ATRN: variants seen among roughly 807,000 people sequenced by gnomAD.
The protein encoded by ATRN is attractin-2.
ATRN carries 54 observed loss-of-function variants against 178.7 expected under a neutral mutation model. The observed-to-expected ratio is 0.30, with a 90% CI of 0.24 to 0.38. The LOEUF (loss-of-function observed/expected upper bound fraction) is 0.38. ATRN is among the 10% of genes least tolerant of loss of function. ATRN has a pLI of 1.00. For missense variants in ATRN, 1,443 were observed against 1,815.1 expected, an observed-to-expected ratio of 0.79 and a Z score of 3.73; for synonymous variants, 636 against 663.0, an observed-to-expected ratio of 0.96 and a Z score of 0.63.
At chr20:3,644,698 C>T (rs1484544972) in intron 28 of ATRN, among the ~76,000 whole-genome samples, 1 of 152,206 alleles carries the variant, frequency 6.6e-6, no homozygotes, top group Non-Finnish European at 1.5e-5. Context: ...CCAGCCATCT[C>T]CCCTGGGCTG....
At chr20:3,471,609 G>C in intron 1 of ATRN, 92 bp downstream of exon 1, 1 of 1,342,418 alleles carries the variant, frequency 7.4e-7, no homozygotes, top group Middle Eastern at 2.7e-4. Flanking sequence ...GGAGATGCTG[G>C]ACAGAAAGTG....
At chr20:3,539,127 T>A (rs1217520659) in intron 2 of ATRN, among the ~76,000 whole-genome samples, 1 of 152,164 alleles carries the variant, frequency 6.6e-6, no homozygotes, top group Non-Finnish European at 1.5e-5. Context: ...CTAGAGATGT[T>A]AGAAAAGTGT....
rs571686358 is a variant in ATRN at position 3,498,372 on chromosome 20, A to G, written c.410+26855A>G. On this transcript the variant is annotated intron_variant, in intron 1 of 28. Coordinates refer to ENST00000262919, the MANE Select transcript of ATRN (RefSeq NM_139321.3). Reference sequence around the variant, plus strand: ...CCTGATACCAAAGCCAGGCAGAGACACAACCAAAAAAGAGAATTTTAGACC... The same window carrying G: ...CCTGATACCAAAGCCAGGCAGAGACGCAACCAAAAAAGAGAATTTTAGACC... Among the ~76,000 whole-genome samples the G allele has an allele frequency of 3.3e-5, 5 of 152,304 alleles. No individual in the cohort carries two copies. In the South Asian group the frequency reaches 1.0e-3, roughly 32 times the overall value.
intron 8 of ATRN, among the ~76,000 whole-genome samples, chr20:3,561,605 T>G (rs1003148285): frequency 6.6e-6 from 1 of 152,246 alleles, no homozygotes; most frequent in East Asian, 1.9e-4. Flanking sequence ...TGGTTAAATT[T>G]CATTGTATCT....
chr20:3,612,636 A>C (rs1240386634), intron 24 of ATRN, among the ~76,000 whole-genome samples: 1 of 152,134 alleles, frequency 6.6e-6, no homozygotes, highest in Non-Finnish European at 1.5e-5. Context: ...ACATCTCCTG[A>C]CACTATTAAG....
chr20:3,492,854 G>GAGGCGC lies in ATRN; in HGVS notation c.410+21337_410+21338insAGGCGC, dbSNP rs1555807888. On this transcript the variant is annotated intron_variant, in intron 1 of 28. Coordinates refer to ENST00000262919, the MANE Select transcript of ATRN (RefSeq NM_139321.3). ...AGAAAGGGAGAGAGAGAGAGAGAGAGGCGCGCGCGCGCGTGCGCACGCACA... is the reference window on the plus strand; with the variant it reads ...AGAAAGGGAGAGAGAGAGAGAGAGAGAGGCGCGCGCGCGCGCGCGTGCGCACGCACA... 4.6e-3 allele frequency among the ~76,000 whole-genome samples: 611 copies of GAGGCGC among 132,340 alleles called. 3 individuals are homozygous for GAGGCGC. Among genetic ancestry groups the GAGGCGC allele is most frequent in the East Asian group, 7.5e-3 (37 of 4,950 alleles). The allele number at this position is 132,340 out of a possible 152,430, so 86.8% of individuals were successfully genotyped here. A position where few individuals can be genotyped will look rare whatever the true frequency, so the allele number is the denominator to read the frequency against.
chr20:3,596,316 T>G lies in ATRN; in HGVS notation c.3417-61T>G, dbSNP rs1242489933. 2.0e-6 allele frequency: 3 copies of G among 1,501,448 alleles called. No individual in the cohort carries two copies. The African/African-American group carries it at 4.1e-5, about 21-fold the overall frequency. The allele number at this position is 1,501,448 out of a possible 1,614,324, so 93.0% of individuals were successfully genotyped here. ...TTTATATAAAAGGATCTGTTTGGTT[T>G]TAAAATGAATTCAGTTTCTGTTTTA... On this transcript the variant is annotated intron_variant, in intron 20 of 28. Transcript: ENST00000262919.
In ATRN at chr20:3,528,366, C is replaced by CAAA. The variant is rs35386929; in HGVS notation, c.411-6877_411-6875dup. Among the ~76,000 whole-genome samples, 761 of 141,400 alleles carry CAAA rather than the reference C, an allele frequency of 5.4e-3. 5 individuals are homozygous for CAAA. Among genetic ancestry groups the CAAA allele is most frequent in the African/African-American group, 0.018 (710 of 38,852 alleles). The allele number at this position is 141,400 out of a possible 152,430, so 92.8% of individuals were successfully genotyped here. A position where few individuals can be genotyped will look rare whatever the true frequency, so the allele number is the denominator to read the frequency against. On this transcript the variant is annotated intron_variant, in intron 1 of 28. Coordinates refer to ENST00000262919, the MANE Select transcript of ATRN (RefSeq NM_139321.3). ...TGGGCAACAGGGCGAAACTCCGTCT[C>CAAA]AAAAAAAAAAAATGTGGTACATATA...
intron 6 of ATRN, among the ~76,000 whole-genome samples, chr20:3,553,811 C>T (rs867935870): frequency 3.3e-5 from 5 of 152,304 alleles, no homozygotes; most frequent in Middle Eastern, 3.4e-3. Flanking sequence ...GTGGTTTTCC[C>T]AGAGAGATCT....
rs2086499119 is a variant in ATRN at position 3,594,647 on chromosome 20, C to T, written c.3416+75C>T. 5.7e-6 allele frequency: 7 copies of T among 1,223,342 alleles called. No individual in the cohort carries two copies. In the East Asian group the frequency reaches 1.5e-4, roughly 26 times the overall value. 75.8% of individuals were successfully genotyped at this position (1,223,342 alleles called of 1,614,324 possible). On this transcript the variant is annotated intron_variant, in intron 20 of 28. Coordinates refer to ENST00000262919, the MANE Select transcript of ATRN (RefSeq NM_139321.3). ...GCTGCCTGAACCCCACCCTGAGAGC[C>T]ACCCACTTCCCTGTGTCTTGTTGCT...
rs1005047140 is a variant in ATRN, at chr20:3,598,244, T to TA, written c.3564+245dup. ...GACTGACATTGATTCCACGCATACTTACTCTGCCTGTCAGCCCATCATGGC... is the reference window on the plus strand; with the variant it reads ...GACTGACATTGATTCCACGCATACTTAACTCTGCCTGTCAGCCCATCATGGC... On this transcript the variant is annotated intron_variant, in intron 22 of 28. Transcript: ENST00000262919. 2.5e-4 allele frequency among the ~76,000 whole-genome samples: 38 copies of TA among 152,218 alleles called. 1 individual carries two copies. Among genetic ancestry groups the TA allele is most frequent in the Non-Finnish European group, 7.3e-5 (5 of 68,040 alleles).
At chr20:3,628,261 A>G (rs1004170812) in intron 25 of ATRN, among the ~76,000 whole-genome samples, 106 of 97,878 alleles carry the variant, frequency 1.1e-3, no homozygotes, top group African/African-American at 4.6e-3. Flanking sequence ...ATTTTTAAAA[A>G]AATTTCTTAG....
chr20:3,547,300 A>G lies in ATRN; in HGVS notation c.754A>G (p.Asn252Asp), dbSNP rs777702069. The change falls in exon 5 of 29, where the codon AAT (asparagine) becomes GAT (aspartate). Residue 252 changes from asparagine (N) to aspartate (D), a missense_variant. Physicochemically the swap from Asn to Asp is conservative, Grantham distance 23. This residue lies in a region of ATRN where 862 missense variants were observed against 972.1 expected (regional missense o/e 0.89). Transcript: ENST00000262919. The stretch of plus-strand genomic sequence containing the variant: ...TTTTTACAGTTTTGATATGTGTCCA[A>G]ATAACTGCTCAGGCCGAGGAGAGTG... ...NITYSFDMCP[N>D]NCSGRGECKI... 8 of 1,613,946 alleles carry G rather than the reference A, an allele frequency of 5.0e-6. No homozygotes were observed. In the East Asian group the frequency reaches 1.3e-4, roughly 27 times the overall value.
chr20:3,642,564 G>A (rs376765266), intron 27 of ATRN, among the ~76,000 whole-genome samples: 3 of 152,138 alleles, frequency 2.0e-5, no homozygotes, highest in Non-Finnish European at 4.4e-5. Context: ...ATTCCCACTT[G>A]ATCTAGGCCA....
chr20:3,619,802 CCCCTGGT>C (rs1279430937), intron 24 of ATRN, among the ~76,000 whole-genome samples: 3 of 152,312 alleles, frequency 2.0e-5, no homozygotes, highest in Admixed American at 1.3e-4. Flanking sequence ...TGGGGAAGGT[CCCCTGGT>C]CTGATCTTCA....
At chr20:3,628,861 T>C (rs2086966944) in intron 25 of ATRN, 2 of 983,638 alleles carry the variant, frequency 2.0e-6, no homozygotes, top group African/African-American at 3.5e-5. Context: ...TATTATGCAA[T>C]CTTTTCTATT....
intron 25 of ATRN, chr20:3,629,316 A>G (rs1455908471): frequency 1.3e-5 from 13 of 984,688 alleles, no homozygotes; most frequent in Non-Finnish European, 1.6e-5. Context: ...CCGCTTTTCC[A>G]TATTCAGCTT....
intron 25 of ATRN, among the ~76,000 whole-genome samples, chr20:3,631,984 A>G (rs372398509): frequency 6.6e-6 from 1 of 152,048 alleles, no homozygotes; most frequent in Non-Finnish European, 1.5e-5. Flanking sequence ...ATCTATCTGT[A>G]TTCACTCTCT....
intron 28 of ATRN, among the ~76,000 whole-genome samples, chr20:3,644,861 T>A (rs547596051): frequency 2.0e-5 from 3 of 152,236 alleles, no homozygotes; most frequent in Non-Finnish European, 4.4e-5. Context: ...TTTTCATTGT[T>A]CTGTGTTCTT....
Sources: gnomAD v4.1 joint callset for allele counts (sites outside exome capture counted in the v4.1 genomes callset) on GRCh38, gnomAD v4.1.1 for gene constraint, gnomAD v4.1.1 regional missense constraint, MANE v1.5 for transcripts, NCBI Gene and HGNC (gene_info 2026-07-23, HGNC 2026-07-21) for gene names.